The following CUL4B variants were observed in gnomAD, a reference collection of about 807,000 sequenced individuals.
The protein encoded by CUL4B is cullin-4B.
CUL4B carries 1 observed loss-of-function variant against 69.2 expected under a neutral mutation model. The observed-to-expected ratio is 0.01, with a 90% CI of 0.01 to 0.07. CUL4B has a LOEUF of 0.07. CUL4B is among the 10% of genes least tolerant of loss of function. The probability of loss-of-function intolerance (pLI) is 1.00; values close to 1 mark genes in which losing one functional copy is unlikely to be tolerated. For synonymous variants in CUL4B, 237 were observed against 223.2 expected, an observed-to-expected ratio of 1.06 and a Z score of -0.55; for missense variants, 328 against 638.8, an observed-to-expected ratio of 0.51 and a Z score of 5.24.
At chrX:120,565,704 T>G (rs976951231), upstream of CUL4B, among the ~76,000 whole-genome samples, 2 of 79,704 alleles carry the variant, frequency 2.5e-5, no homozygotes, top group Non-Finnish European at 4.7e-5. Flanking sequence ...AACTGCTAGG[T>G]AAAGGGCAGT....
At chrX:120,565,990 A>C (rs1925499428), upstream of CUL4B, among the ~76,000 whole-genome samples, 1 of 108,345 alleles carries the variant, frequency 9.2e-6, no homozygotes, top group Non-Finnish European at 1.9e-5. Context: ...GGCCTCCCAA[A>C]GTGCTGGAAT....
chrX:120,566,365 ATATATATATATATATATATATATATG>A (rs1341343449), upstream of CUL4B, among the ~76,000 whole-genome samples: 9 of 58,770 alleles, frequency 1.5e-4, no homozygotes, highest in Non-Finnish European at 3.0e-4. Flanking sequence ...ATATATATAT[ATATATATATATATATATATATATATG>A]TATATATATT....
chrX:120,534,001 G>A (rs1181403016), intron 17 of CUL4B, among the ~76,000 whole-genome samples: 2 of 110,424 alleles, frequency 1.8e-5, no homozygotes, highest in Non-Finnish European at 3.8e-5. Context: ...AGGAGGCAGA[G>A]GTTGCAGTGA....
upstream of CUL4B, among the ~76,000 whole-genome samples, chrX:120,564,760 T>C (rs1462813213): frequency 1.8e-5 from 2 of 112,467 alleles, no homozygotes; most frequent in Admixed American, 9.4e-5. Flanking sequence ...AAAATACATT[T>C]TCAAGGTTGA....
At chrX:120,543,573 G>A (rs958305074) in intron 8 of CUL4B, among the ~76,000 whole-genome samples, 154 bp downstream of exon 8, 6 of 110,222 alleles carry the variant, frequency 5.4e-5, no homozygotes, top group Non-Finnish European at 9.5e-5. Flanking sequence ...TAATTAACTA[G>A]GGAAAAGAAT....
At chrX:120,572,963 G>A (rs1025336828) in intron 2 of CUL4B, among the ~76,000 whole-genome samples, 15 of 110,159 alleles carry the variant, frequency 1.4e-4, no homozygotes, top group African/African-American at 5.0e-4. Flanking sequence ...TCACGTTTCA[G>A]TTCTGTTTAG....
At chrX:120,535,238 G>C (rs1923584116) in intron 16 of CUL4B, among the ~76,000 whole-genome samples, 1 of 111,363 alleles carries the variant, frequency 9.0e-6, no homozygotes, top group African/African-American at 3.3e-5. Flanking sequence ...GCAGTGTACA[G>C]TTTTCATCCA....
chrX:120,558,082 A>G (rs768894046), intron 1 of CUL4B, 43 bp from the exon 2 acceptor site: 2 of 783,350 alleles, frequency 2.6e-6, no homozygotes, highest in Non-Finnish European at 3.9e-6. Flanking sequence ...ACCATGTCAG[A>G]TACAGTAACC....
intron 9 of CUL4B, among the ~76,000 whole-genome samples, chrX:120,542,550 A>G (rs1924060717): frequency 8.9e-6 from 1 of 111,932 alleles, no homozygotes; most frequent in African/African-American, 3.2e-5. Context: ...TTTAGTGTAA[A>G]AAGGAATACC....
At chrX:120,548,749 G>A (rs908640276) in intron 2 of CUL4B, among the ~76,000 whole-genome samples, 2 of 110,319 alleles carry the variant, frequency 1.8e-5, no homozygotes, top group Non-Finnish European at 3.8e-5. Context: ...CAGGAGAATT[G>A]CTTGAACCCA....
At chrX:120,532,739 C>T (rs1298782323) in intron 17 of CUL4B, 145 bp from the exon 18 acceptor site, 4 of 541,125 alleles carry the variant, frequency 7.4e-6, no homozygotes, top group African/African-American at 2.3e-5. Flanking sequence ...TTGTTCTAGC[C>T]AATGGCTTTT....
chrX:120,560,952 T>C lies in CUL4B; in HGVS notation c.-314A>G. ...CTCCCCCCCTTTCTGCAGGAGCGAC[T>C]CAGCGAGTCTGTGAGGCTGCAGCTC... On this transcript the variant is annotated 5_prime_UTR_variant, in exon 1 of 20. Coordinates refer to ENST00000371322, the MANE Select transcript of CUL4B (RefSeq NM_001079872.2). 1.3e-6 allele frequency: 1 copy of C among 752,720 alleles called. No individual in the cohort carries two copies. The highest frequency in any genetic ancestry group is 1.6e-6 in the Non-Finnish European group (1 of 638,765). 62.0% of individuals were successfully genotyped at this position (752,720 alleles called of 1,213,427 possible). A position where few individuals can be genotyped will look rare whatever the true frequency, so the allele number is the denominator to read the frequency against.
At chrX:120,537,565 T>C (rs1051164572) in intron 14 of CUL4B, among the ~76,000 whole-genome samples, 6 of 111,750 alleles carry the variant, frequency 5.4e-5, no homozygotes, top group Admixed American at 9.5e-5. Context: ...TTACTGACCC[T>C]GATTTTTTCT....
At position 120,536,069 on chromosome X, in the gene CUL4B, T is replaced by C. The variant is rs1356206188; in HGVS notation, c.2047-126A>G. ...AGACTATATCCAGTAGGTCCACCAA[T>C]CACTTTGATGAAAAACAATGATCTC... On this transcript the variant is annotated intron_variant, in intron 15 of 19. Transcript: ENST00000371322. The C allele has an allele frequency of 6.0e-6, 3 of 500,159 alleles. No homozygotes were observed. In the Admixed American group the frequency reaches 9.2e-5, roughly 15 times the overall value. 41.2% of individuals were successfully genotyped at this position (500,159 alleles called of 1,213,427 possible). A position where few individuals can be genotyped will look rare whatever the true frequency, so the allele number is the denominator to read the frequency against.
At position 120,530,331 on chromosome X, in the gene CUL4B, G is replaced by T. The variant is rs973459076; in HGVS notation, c.2440-77C>A. On this transcript the variant is annotated intron_variant, in intron 18 of 19. Coordinates refer to ENST00000371322, the MANE Select transcript of CUL4B (RefSeq NM_001079872.2). ...ATTTACATAAATTGTGCATTTTAGG[G>T]ACATGACATTGTTATTGCTTTAAAG... is the stretch of plus-strand genomic sequence containing the variant. 15 of 957,975 alleles carry T rather than the reference G, an allele frequency of 1.6e-5. No individual in the cohort carries two copies. In the Admixed American group the frequency reaches 2.7e-4, roughly 17 times the overall value. 78.9% of individuals were successfully genotyped at this position (957,975 alleles called of 1,213,427 possible).
chrX:120,553,852 T>TA (rs955135356), intron 2 of CUL4B, among the ~76,000 whole-genome samples: 1 of 111,995 alleles, frequency 8.9e-6, no homozygotes, highest in African/African-American at 3.2e-5. Context: ...TTATTAATAG[T>TA]AAAAAAACTC....
chrX:120,534,168 G>C (rs1923504910), intron 17 of CUL4B, among the ~76,000 whole-genome samples: 2 of 108,507 alleles, frequency 1.8e-5, no homozygotes, highest in South Asian at 8.1e-4. Flanking sequence ...CCAGGAGTTT[G>C]AGACCAGGCT....
intron 2 of CUL4B, among the ~76,000 whole-genome samples, chrX:120,554,826 T>C (rs781636620): frequency 9.8e-5 from 11 of 111,931 alleles, no homozygotes; most frequent in Non-Finnish European, 1.7e-4. Context: ...CTCAGGTAGA[T>C]TGAGAGAGTA....
chrX:120,563,564 A>T (rs1453854235), upstream of CUL4B, among the ~76,000 whole-genome samples: 1 of 112,375 alleles, frequency 8.9e-6, no homozygotes, highest in Non-Finnish European at 1.9e-5. Flanking sequence ...AGGCCAGGAA[A>T]GACACCTTAA....
Sources: allele counts gnomAD v4.1 joint callset (sites outside exome capture counted in the v4.1 genomes callset), GRCh38; gene constraint gnomAD v4.1.1; transcripts MANE v1.5; gene names NCBI Gene and HGNC (gene_info 2026-07-23, HGNC 2026-07-21).